The following SSH2 variants were observed in gnomAD, a reference collection of about 807,000 sequenced individuals.
SSH2 encodes the protein slingshot protein phosphatase 2, also known as protein phosphatase Slingshot homolog 2.
Under a neutral mutation model 135.2 loss-of-function variants are expected in SSH2, and 37 were observed. The observed-to-expected ratio is 0.27, with a 90% CI of 0.21 to 0.36. The LOEUF (loss-of-function observed/expected upper bound fraction) is 0.36. Among genes scored for constraint, SSH2 ranks in the 10% least tolerant of loss-of-function variants. SSH2 has a pLI of 1.00. For missense variants in SSH2, 1,408 were observed against 1,765.3 expected (o/e 0.80, Z 3.63); for synonymous variants, 628 against 646.2 (o/e 0.97, Z 0.43).
At chr17:29,881,978 A>G (rs1267395333) in intron 1 of SSH2, among the ~76,000 whole-genome samples, 3 of 152,244 alleles carry the variant, frequency 2.0e-5, no homozygotes, top group Non-Finnish European at 4.4e-5. Flanking sequence ...TCAATTGAGG[A>G]AAAAACTGCA....
chr17:29,632,533 C>T lies in SSH2; in HGVS notation c.2661G>A (p.Lys887=), dbSNP rs762701957. The change falls in exon 16 of 16, where the codon AAG becomes AAA. Residue 887 remains lysine, a synonymous_variant. Transcript: ENST00000540801. ...LQGSGMHPGA[K]WYPGSVRRAT... ...CTCGCCTCACAGACCCAGGGTACCA[C>T]TTGGCACCTGGGTGCATCCCTGAGC... 2.5e-6 allele frequency: 4 copies of T among 1,614,228 alleles called. No homozygotes were observed. The highest frequency in any genetic ancestry group is 2.5e-6 in the Non-Finnish European group (3 of 1,180,034).
intron 3 of SSH2, among the ~76,000 whole-genome samples, chr17:29,748,426 CA>C (rs1029803213): frequency 4.0e-5 from 6 of 151,726 alleles, no homozygotes; most frequent in African/African-American, 7.3e-5. Context: ...CTCTAAGGAT[CA>C]AAAATAACCA....
chr17:29,727,125 TC>T (rs2040028209), intron 3 of SSH2, among the ~76,000 whole-genome samples: 1 of 152,144 alleles, frequency 6.6e-6, no homozygotes, highest in Non-Finnish European at 1.5e-5. Context: ...TCCTTCCTTA[TC>T]CCCCATTCAA....
intron 3 of SSH2, among the ~76,000 whole-genome samples, chr17:29,710,391 C>T (rs2039391331): frequency 6.6e-6 from 1 of 152,172 alleles, no homozygotes; most frequent in East Asian, 1.9e-4. Flanking sequence ...CGACTGCATG[C>T]AGTATTATTG....
chr17:29,636,125 C>T lies in SSH2; in HGVS notation c.2105G>A (p.Arg702Lys). The part of the protein sequence containing the change: ...ETRSRSFSHS[R>K]MEELGGGRNE... Reference sequence around the variant, plus strand: ...CCTTCCTCCACCCAGTTCCTCCATCCTTGAATGGGAAAAAGATCGTGACCG... The same window carrying T: ...CCTTCCTCCACCCAGTTCCTCCATCTTTGAATGGGAAAAAGATCGTGACCG... The change falls in exon 15 of 16, where the codon AGG becomes AAG. Residue 702 changes from arginine (R) to lysine (K), a missense_variant. By Grantham distance (26) the Arg-to-Lys change is conservative. This residue lies in a region of SSH2 where 1,080 missense variants were observed against 1,144.5 expected (regional missense o/e 0.94). Coordinates refer to ENST00000540801, the MANE Select transcript of SSH2 (RefSeq NM_001282129.2). 6.2e-7 allele frequency: 1 copy of T among 1,614,216 alleles called. No individual in the cohort carries two copies. Among genetic ancestry groups the T allele is most frequent in the African/African-American group, 1.3e-5 (1 of 75,042 alleles).
chr17:29,700,165 C>T (rs1001110529), intron 4 of SSH2, among the ~76,000 whole-genome samples: 1 of 152,140 alleles, frequency 6.6e-6, no homozygotes, highest in African/African-American at 2.4e-5. Flanking sequence ...TTAAGGTTAT[C>T]GTAGTCTTTG....
intron 3 of SSH2, among the ~76,000 whole-genome samples, chr17:29,710,133 C>A (rs2039381950): frequency 6.6e-6 from 1 of 152,104 alleles, no homozygotes; most frequent in African/African-American, 2.4e-5. Flanking sequence ...GTCAAGGAAG[C>A]AAAACAAAGC....
intron 1 of SSH2, among the ~76,000 whole-genome samples, chr17:29,921,272 G>A (rs2066971423): frequency 6.6e-6 from 1 of 152,128 alleles, no homozygotes; most frequent in South Asian, 2.1e-4. Context: ...TAAGCAACAT[G>A]AGGCACAAAA....
At chr17:29,918,673 A>C (rs896572032) in intron 1 of SSH2, among the ~76,000 whole-genome samples, 3 of 152,182 alleles carry the variant, frequency 2.0e-5, no homozygotes, top group Admixed American at 1.3e-4. Flanking sequence ...ACTGTGGCTC[A>C]CGCCTGTAAT....
intron 11 of SSH2, among the ~76,000 whole-genome samples, chr17:29,656,248 T>C (rs1041072201): frequency 3.3e-5 from 5 of 152,114 alleles, no homozygotes; most frequent in Non-Finnish European, 4.4e-5. Context: ...GTGATCTCGG[T>C]TCACTGCAAC....
intron 3 of SSH2, among the ~76,000 whole-genome samples, chr17:29,786,641 T>C (rs2151296195): frequency 6.6e-6 from 1 of 152,212 alleles, no homozygotes; most frequent in African/African-American, 2.4e-5. Flanking sequence ...AAAAAAAATA[T>C]TGCTGGAGTT....
At chr17:29,782,592 G>GT (rs897491931) in intron 3 of SSH2, among the ~76,000 whole-genome samples, 44 of 148,400 alleles carry the variant, frequency 3.0e-4, no homozygotes, top group South Asian at 6.8e-4. Context: ...GTTGTTTTTT[G>GT]TTTTTTTTTC....
At chr17:29,784,796 A>T (rs1450022023) in intron 3 of SSH2, among the ~76,000 whole-genome samples, 1 of 152,024 alleles carries the variant, frequency 6.6e-6, no homozygotes, top group African/African-American at 2.4e-5. Context: ...ACTTTTGATG[A>T]TATCCTTCCA....
At chr17:29,844,456 T>C (rs2043096981) in intron 2 of SSH2, among the ~76,000 whole-genome samples, 1 of 152,218 alleles carries the variant, frequency 6.6e-6, no homozygotes, top group Admixed American at 6.5e-5. Flanking sequence ...CCAGAGCTTC[T>C]TCCTCCTTTT....
At chr17:29,885,302 TTTAACTC>T (rs948280570) in intron 1 of SSH2, among the ~76,000 whole-genome samples, 2 of 150,510 alleles carry the variant, frequency 1.3e-5, no homozygotes, top group Non-Finnish European at 2.9e-5. Flanking sequence ...GGTACTAACT[TTTAACTC>T]TTATTAACCA....
Position 29,627,720 on chromosome 17 carries a change from C to G in SSH2, c.*3121G>C, listed in dbSNP as rs1567818294. The G allele has an allele frequency of 6.6e-6, 1 of 152,598 alleles. No homozygotes were observed. Among genetic ancestry groups the G allele is most frequent in the Non-Finnish European group, 1.5e-5 (1 of 68,028 alleles). The allele number at this position is 152,598 out of a possible 1,614,324, so 9.5% of individuals were successfully genotyped here. ...ACGGTACTATAGTACTACATGTCTA[C>G]TACAGTATCCATTAGTCCTGGGTGT... On this transcript the variant is annotated 3_prime_UTR_variant, in exon 16 of 16. Coordinates refer to ENST00000540801, the MANE Select transcript of SSH2 (RefSeq NM_001282129.2).
At chr17:29,719,556 T>C (rs1428999849) in intron 3 of SSH2, among the ~76,000 whole-genome samples, 1 of 151,614 alleles carries the variant, frequency 6.6e-6, no homozygotes, top group Non-Finnish European at 1.5e-5. Flanking sequence ...AAGGGGACTT[T>C]GTAACTATCA....
rs1024680772 is a variant in SSH2, at chr17:29,784,529, G to A, written c.188+9365C>T. 2.0e-5 allele frequency among the ~76,000 whole-genome samples: 3 copies of A among 151,740 alleles called. No individual in the cohort carries two copies. In the East Asian group the frequency reaches 5.8e-4, roughly 29 times the overall value. ...GGAGAATCACTTGAATCCAGGAGGC[G>A]GAGGTTGCAGTGAGCCGAGATTGCA... On this transcript the variant is annotated intron_variant, in intron 3 of 15. Transcript: ENST00000540801.
At chr17:29,920,430 G>A (rs977170773) in intron 1 of SSH2, among the ~76,000 whole-genome samples, 1 of 152,178 alleles carries the variant, frequency 6.6e-6, no homozygotes, top group African/African-American at 2.4e-5. Context: ...TTCTATGCAT[G>A]CAATTTAATA....
Sources: gnomAD v4.1 joint callset for allele counts (sites outside exome capture counted in the v4.1 genomes callset) on GRCh38, gnomAD v4.1.1 for gene constraint, gnomAD v4.1.1 regional missense constraint, MANE v1.5 for transcripts, NCBI Gene and HGNC (gene_info 2026-07-23, HGNC 2026-07-21) for gene names.